AGO2: variants seen among roughly 807,000 people sequenced by gnomAD.
AGO2 encodes the protein argonaute RISC catalytic component 2.
AGO2 carries 5 observed loss-of-function variants against 102.3 expected under a neutral mutation model. That is an observed-to-expected ratio of 0.05 (90% CI 0.03 to 0.10). The LOEUF is 0.10. AGO2 is among the 10% of genes least tolerant of loss of function. AGO2 has a pLI of 1.00. For missense variants in AGO2, 541 were observed against 1,183.7 expected (o/e 0.46, Z 7.97); for synonymous variants, 449 against 473.1 (o/e 0.95, Z 0.66).
intron 1 of AGO2, among the ~76,000 whole-genome samples, chr8:140,633,595 C>T (rs2074367383): frequency 6.6e-6 from 1 of 152,234 alleles, no homozygotes; most frequent in South Asian, 2.1e-4. Flanking sequence ...CAGCAGTGAG[C>T]TGGGGTGGCT....
chr8:140,563,593 A>G (rs2073236118), intron 3 of AGO2, among the ~76,000 whole-genome samples: 1 of 152,164 alleles, frequency 6.6e-6, no homozygotes, highest in African/African-American at 2.4e-5. Flanking sequence ...AAATAACCCA[A>G]GGCCACAAAG....
At chr8:140,590,104 G>A (rs1464674196) in intron 1 of AGO2, among the ~76,000 whole-genome samples, 3 of 152,212 alleles carry the variant, frequency 2.0e-5, no homozygotes, top group African/African-American at 7.2e-5. Flanking sequence ...GGCCACCAAT[G>A]AGCCCACGGT....
At chr8:140,577,946 C>T (rs779309121) in intron 2 of AGO2, among the ~76,000 whole-genome samples, 5 of 152,142 alleles carry the variant, frequency 3.3e-5, no homozygotes, top group Non-Finnish European at 7.4e-5. Context: ...TTGGGCTGGG[C>T]GGATCTCTCA....
chr8:140,633,939 C>A (rs545238826), intron 1 of AGO2, among the ~76,000 whole-genome samples: 1 of 152,338 alleles, frequency 6.6e-6, no homozygotes, highest in South Asian at 2.1e-4. Flanking sequence ...TCTGGGCCTC[C>A]AACTTTTAAA....
At chr8:140,614,829 C>CTCAGCATTCGCCG (rs1171701185) in intron 1 of AGO2, among the ~76,000 whole-genome samples, 2 of 152,252 alleles carry the variant, frequency 1.3e-5, no homozygotes, top group Admixed American at 1.3e-4. Context: ...GCACCTGGCA[C>CTCAGCATTCGCCG]TCAGCATTCG....
chr8:140,569,616 G>C (rs1455804266), intron 3 of AGO2, among the ~76,000 whole-genome samples: 1 of 152,198 alleles, frequency 6.6e-6, no homozygotes, highest in African/African-American at 2.4e-5. Context: ...GCTGGACCCA[G>C]AGCCAAGAAG....
At chr8:140,572,533 TG>T (rs1419672778) in intron 3 of AGO2, 1 of 294,358 alleles carries the variant, frequency 3.4e-6, no homozygotes, top group Non-Finnish European at 6.3e-6. Context: ...GTTTGTGGCT[TG>T]TGTTTAGCAT....
At chr8:140,581,077 A>C (rs2133000490) in intron 2 of AGO2, among the ~76,000 whole-genome samples, 1 of 152,358 alleles carries the variant, frequency 6.6e-6, no homozygotes, top group South Asian at 2.1e-4. Flanking sequence ...CGATGGCCTA[A>C]GGGCCCCCCT....
At chr8:140,615,165 C>A (rs1361019583) in intron 1 of AGO2, among the ~76,000 whole-genome samples, 1 of 152,152 alleles carries the variant, frequency 6.6e-6, no homozygotes, top group Non-Finnish European at 1.5e-5. Context: ...ATGGGAGGAT[C>A]CCTTGTGCCC....
At chr8:140,543,330 A>C (rs1484806276) in intron 14 of AGO2, among the ~76,000 whole-genome samples, 4 of 152,196 alleles carry the variant, frequency 2.6e-5, no homozygotes, top group Non-Finnish European at 5.9e-5. Context: ...GTGTGCCCTG[A>C]ATAACACCAG....
chr8:140,543,081 G>A lies in AGO2; in HGVS notation c.1839+1132C>T, dbSNP rs192823120. On this transcript the variant is annotated intron_variant, in intron 14 of 18. Coordinates refer to ENST00000220592, the MANE Select transcript of AGO2 (RefSeq NM_012154.5). ...GAACCTGGGAGGCAAAGGTTGCAGT[G>A]AGCTGAGATCGCACCACTGCAATCC... is the stretch of plus-strand genomic sequence containing the variant. Among the ~76,000 whole-genome samples, 511 of 152,206 alleles carry A rather than the reference G, an allele frequency of 3.4e-3. 1 individual carries two copies. Among genetic ancestry groups the A allele is most frequent in the African/African-American group, 0.011 (473 of 41,508 alleles).
chr8:140,626,034 A>G (rs923706314), intron 1 of AGO2, among the ~76,000 whole-genome samples: 2 of 152,228 alleles, frequency 1.3e-5, no homozygotes, highest in Admixed American at 1.3e-4. Context: ...CCAGTCACCA[A>G]TAGGGCCACT....
intron 1 of AGO2, among the ~76,000 whole-genome samples, chr8:140,599,281 C>T (rs181903422): frequency 5.9e-5 from 9 of 152,296 alleles, no homozygotes; most frequent in African/African-American, 9.6e-5. Context: ...TTAACCAGAA[C>T]GCAAAATCCT....
intron 1 of AGO2, among the ~76,000 whole-genome samples, chr8:140,600,246 A>G (rs1253331848): frequency 6.6e-6 from 1 of 152,268 alleles, no homozygotes; most frequent in Non-Finnish European, 1.5e-5. Flanking sequence ...AAAGTGGGAC[A>G]TGTATGAAGT....
the AGO2 span, among the ~76,000 whole-genome samples, chr8:140,640,808 C>T: frequency 3.3e-5 from 5 of 152,208 alleles, no homozygotes; most frequent in African/African-American, 1.2e-4. Flanking sequence ...CGTGAGCCAC[C>T]ACGCCTGGCC....
At chr8:140,608,992 C>T (rs1199307683) in intron 1 of AGO2, among the ~76,000 whole-genome samples, 2 of 152,204 alleles carry the variant, frequency 1.3e-5, no homozygotes, top group African/African-American at 4.8e-5. Flanking sequence ...GTCACTGCCT[C>T]CCCAGGCCTA....
rs769476457 is a variant in AGO2 at position 140,541,242 on chromosome 8, C to T, written c.1956G>A (p.Gln652=). The change falls in exon 15 of 19, where the codon CAG becomes CAA. Residue 652 remains glutamine (Q), a synonymous_variant. Coordinates refer to ENST00000220592, the MANE Select transcript of AGO2 (RefSeq NM_012154.5). Reference sequence around the variant, plus strand: ...GCTTGAAGCGCGTGGACTTGTAGAACTGGATGAGGAGCTCGCGGACCATGG... The same window carrying T: ...GCTTGAAGCGCGTGGACTTGTAGAATTGGATGAGGAGCTCGCGGACCATGG... ...LAAMVRELLI[Q]FYKSTRFKPT... 15 of 1,611,698 alleles carry T rather than the reference C, an allele frequency of 9.3e-6. No homozygotes were observed. Among genetic ancestry groups the T allele is most frequent in the Non-Finnish European group, 1.2e-5 (14 of 1,179,128 alleles).
intron 4 of AGO2, among the ~76,000 whole-genome samples, chr8:140,562,127 A>C (rs1331018280): frequency 2.0e-5 from 3 of 152,128 alleles, no homozygotes; most frequent in Non-Finnish European, 4.4e-5. Context: ...ACACAGCATT[A>C]CTCTCCTATC....
chr8:140,562,489 G>A lies in AGO2; in HGVS notation c.482C>T (p.Ala161Val). The part of the protein sequence containing the change: ...LPSVPFETIQ[A>V]LDVVMRHLPS... ...CAAGTGCCTCATGACCACGTCCAGG[G>A]CCTGGATCGTCTCAAAAGGGACGCT... The change falls in exon 4 of 19, where the codon GCC becomes GTC. Residue 161 changes from alanine to valine, a missense_variant. Around this residue, in one of 6 missense-constraint regions of AGO2, gnomAD observed 26 missense variants for 52.0 expected, o/e 0.50. Coordinates refer to ENST00000220592, the MANE Select transcript of AGO2 (RefSeq NM_012154.5). 6.2e-7 allele frequency: 1 copy of A among 1,613,548 alleles called. No homozygotes were observed. Among genetic ancestry groups the A allele is most frequent in the Non-Finnish European group, 8.5e-7 (1 of 1,179,970 alleles).
Sources: allele counts gnomAD v4.1 joint callset (sites outside exome capture counted in the v4.1 genomes callset), GRCh38; gene constraint gnomAD v4.1.1; regional missense constraint gnomAD v4.1.1; transcripts MANE v1.5; gene names NCBI Gene and HGNC (gene_info 2026-07-23, HGNC 2026-07-21).